Variants in PELI2 observed in about 807,000 individuals in gnomAD.
PELI2 encodes E3 ubiquitin-protein ligase pellino homolog 2.
Under a neutral mutation model 42.3 loss-of-function variants are expected in PELI2, and 23 were observed. The observed-to-expected ratio is 0.54, with a 90% confidence interval of 0.39 to 0.77. The LOEUF (loss-of-function observed/expected upper bound fraction) is 0.77. PELI2 is among the 30% of genes least tolerant of loss of function. The probability of loss-of-function intolerance (pLI) is 0.00; values close to 1 mark genes in which losing one functional copy is unlikely to be tolerated. For missense variants in PELI2, 463 were observed against 553.2 expected, an observed-to-expected ratio of 0.84 and a Z score of 1.64; for synonymous variants, 245 against 212.2, an observed-to-expected ratio of 1.15 and a Z score of -1.34.
chr14:56,139,646 T>A (rs1173774830), intron 1 of PELI2, among the ~76,000 whole-genome samples: 1 of 152,154 alleles, frequency 6.6e-6, no homozygotes, highest in Non-Finnish European at 1.5e-5. Flanking sequence ...TTGCAGCTTG[T>A]TCCCCCACCA....
At chr14:56,224,311 G>T (rs1887262053) in intron 2 of PELI2, among the ~76,000 whole-genome samples, 1 of 152,166 alleles carries the variant, frequency 6.6e-6, no homozygotes, top group African/African-American at 2.4e-5. Flanking sequence ...GCAGATTCTG[G>T]CATTGTTTAC....
rs534704092 is a variant in PELI2 at position 56,208,459 on chromosome 14, C to T, written c.207+29995C>T. On this transcript the variant is annotated intron_variant, in intron 2 of 5. Coordinates refer to ENST00000267460, the MANE Select transcript of PELI2 (RefSeq NM_021255.3). ...GTAGGAGAATGGGGGTCCTGCAATA[C>T]GATTGCATTTGCCTTTTTTCCTTGT... 1.4e-4 allele frequency among the ~76,000 whole-genome samples: 22 copies of T among 152,302 alleles called. No homozygotes were observed. In the East Asian group the frequency reaches 4.2e-3, roughly 29 times the overall value.
intron 2 of PELI2, among the ~76,000 whole-genome samples, chr14:56,181,195 T>C (rs1566623719): frequency 6.6e-6 from 1 of 152,124 alleles, no homozygotes; most frequent in Non-Finnish European, 1.5e-5. Context: ...TCCAACCCAT[T>C]AGCCTGTCTC....
intron 1 of PELI2, among the ~76,000 whole-genome samples, chr14:56,133,262 A>G (rs965433249): frequency 1.3e-5 from 2 of 152,224 alleles, no homozygotes; most frequent in African/African-American, 4.8e-5. Flanking sequence ...TAAGCCAAAT[A>G]TATTTTTTCT....
At chr14:56,142,424 T>A (rs1186316974) in intron 1 of PELI2, among the ~76,000 whole-genome samples, 1 of 152,132 alleles carries the variant, frequency 6.6e-6, no homozygotes, top group Non-Finnish European at 1.5e-5. Context: ...GAAGTGGTGG[T>A]GAGCTCCCTG....
chr14:56,243,952 G>A lies in PELI2; in HGVS notation c.208-35724G>A, dbSNP rs570887441. 3.5e-4 allele frequency among the ~76,000 whole-genome samples: 53 copies of A among 152,292 alleles called. No individual in the cohort carries two copies. The South Asian group carries it at 9.3e-3, about 27-fold the overall frequency. ...TACTTGGGAGGTGATTTATTTGTCC[G>A]TGGTCTCCAGTGCTTTCTCTTTTAT... On this transcript the variant is annotated intron_variant, in intron 2 of 5. Transcript: ENST00000267460.
At position 56,299,543 on chromosome 14, in the gene PELI2, C is replaced by T. The variant is rs1246155697; in HGVS notation, c.*2377C>T. 1 of 152,140 alleles carries T rather than the reference C, an allele frequency of 6.6e-6. No individual in the cohort carries two copies. Among genetic ancestry groups the T allele is most frequent in the African/African-American group, 2.4e-5 (1 of 41,442 alleles). The allele number at this position is 152,140 out of a possible 1,614,324, so 9.4% of individuals were successfully genotyped here. The stretch of plus-strand genomic sequence containing the variant: ...GAACTGCAGAGAGGTGGCAAATCAG[C>T]AAAAAGGACACCAGGCTCTTCTTGG... On this transcript the variant is annotated 3_prime_UTR_variant, in exon 6 of 6. Transcript: ENST00000267460.
intron 1 of PELI2, among the ~76,000 whole-genome samples, chr14:56,174,716 A>G (rs1885306878): frequency 1.3e-5 from 2 of 152,108 alleles, no homozygotes; most frequent in African/African-American, 4.8e-5. Flanking sequence ...TCATGATTGT[A>G]AGTTTCTTGA....
intron 2 of PELI2, among the ~76,000 whole-genome samples, chr14:56,247,427 C>T (rs1157354302): frequency 4.6e-5 from 7 of 152,184 alleles, no homozygotes; most frequent in Non-Finnish European, 1.0e-4. Context: ...CAGGGGACTG[C>T]TTGAGCATAG....
intron 2 of PELI2, among the ~76,000 whole-genome samples, chr14:56,276,350 T>G (rs916861669): frequency 6.6e-6 from 1 of 152,184 alleles, no homozygotes. Flanking sequence ...GCTGGTGGCC[T>G]TAGGCGCCCT....
intron 2 of PELI2, among the ~76,000 whole-genome samples, chr14:56,233,799 GTCA>G (rs1887679348): frequency 6.6e-6 from 1 of 152,124 alleles, no homozygotes; most frequent in African/African-American, 2.4e-5. Context: ...AAAAGAAACT[GTCA>G]TCAGAGTGAA....
chr14:56,131,786 T>C (rs1028547314), intron 1 of PELI2, among the ~76,000 whole-genome samples: 1 of 152,190 alleles, frequency 6.6e-6, no homozygotes, highest in Non-Finnish European at 1.5e-5. Flanking sequence ...ATGCTTTGGG[T>C]TTATTACTTA....
intron 2 of PELI2, among the ~76,000 whole-genome samples, chr14:56,227,344 TGG>T (rs1887392777): frequency 6.6e-6 from 1 of 152,184 alleles, no homozygotes; most frequent in Non-Finnish European, 1.5e-5. Context: ...AGTGCCCCAC[TGG>T]GGCTGGGCCT....
chr14:56,163,992 A>T (rs1358778236), intron 1 of PELI2, among the ~76,000 whole-genome samples: 3 of 152,164 alleles, frequency 2.0e-5, no homozygotes, highest in African/African-American at 7.2e-5. Flanking sequence ...AGATTATATT[A>T]TCTGCAAACA....
At chr14:56,198,012 A>ACC (rs1465963386) in intron 2 of PELI2, among the ~76,000 whole-genome samples, 15 of 117,580 alleles carry the variant, frequency 1.3e-4, no homozygotes, top group Non-Finnish European at 2.2e-4. Flanking sequence ...ACACACACAC[A>ACC]CCCACCTCTT....
rs575482306 is a variant in PELI2 at position 56,296,653 on chromosome 14, G to A, written c.750G>A (p.Gly250=). Residue 250 remains glycine (G), a synonymous_variant, in exon 6 of 6, where the codon GGG becomes GGA. Coordinates refer to ENST00000267460, the MANE Select transcript of PELI2 (RefSeq NM_021255.3). ...ACGGCTCCCTCATTGACCTGTGTGG[G>A]GCCACTCTCCTCTGGAGAACAGCAG... ...LQDGSLIDLC[G]ATLLWRTADG... 1.9e-6 allele frequency: 3 copies of A among 1,613,954 alleles called. No homozygotes were observed. Among genetic ancestry groups the A allele is most frequent in the Admixed American group, 1.7e-5 (1 of 60,016 alleles).
intron 2 of PELI2, among the ~76,000 whole-genome samples, chr14:56,194,542 T>G (rs1387194459): frequency 2.0e-5 from 3 of 152,224 alleles, no homozygotes; most frequent in Non-Finnish European, 4.4e-5. Context: ...TAGTGTTCCC[T>G]TCACTGCAGG....
At chr14:56,265,615 G>A (rs1292567673) in intron 2 of PELI2, among the ~76,000 whole-genome samples, 1 of 151,998 alleles carries the variant, frequency 6.6e-6, no homozygotes, top group Non-Finnish European at 1.5e-5. Context: ...AGACATCAAA[G>A]TTAAGAACTT....
intron 1 of PELI2, among the ~76,000 whole-genome samples, chr14:56,124,238 G>T (rs1290775295): frequency 1.3e-5 from 2 of 152,198 alleles, no homozygotes; most frequent in Non-Finnish European, 1.5e-5. Flanking sequence ...CATATGTGAT[G>T]ATCAGTCTTG....
Sources: gnomAD v4.1 joint callset for allele counts (sites outside exome capture counted in the v4.1 genomes callset) on GRCh38, gnomAD v4.1.1 for gene constraint, MANE v1.5 for transcripts, NCBI Gene and HGNC (gene_info 2026-07-23, HGNC 2026-07-21) for gene names.